EEIG1: variants seen among roughly 807,000 people sequenced by gnomAD.
EEIG1 encodes estrogen-induced osteoclastogenesis regulator 1, also known as early estrogen-induced gene 1 protein.
At chr9:127,945,395 G>T in the EEIG1 span, 8 of 1,586,432 alleles carry the variant, frequency 5.0e-6, no homozygotes, top group Non-Finnish European at 5.1e-6. This position sits in a 1 kb window ranked among gnomAD's most constrained non-coding sequence, Gnocchi z 6.5. Flanking sequence ...AGATGCAGGG[G>T]CCGGGGTGGC....
the EEIG1 span, chr9:127,953,820 A>G: frequency 5.6e-6 from 9 of 1,613,960 alleles, no homozygotes; most frequent in East Asian, 2.2e-5. Context: ...GCACAGACAC[A>G]CGGAAGACAC....
At chr9:127,953,417 C>A in the EEIG1 span, 1 of 670,702 alleles carries the variant, frequency 1.5e-6, no homozygotes, top group Non-Finnish European at 2.6e-6. Flanking sequence ...ATATTGAGTG[C>A]AAAGACCATC....
chr9:127,945,335 T>C, the EEIG1 span: 1 of 1,521,974 alleles, frequency 6.6e-7, no homozygotes, highest in South Asian at 1.2e-5. The surrounding 1 kb of genome is among the most constrained non-coding windows in gnomAD (Gnocchi z 6.5). Flanking sequence ...GAGAGGTCTG[T>C]TCTCCAGGGG....
At chr9:127,968,388 T>C in the EEIG1 span, among the ~76,000 whole-genome samples, 1 of 152,140 alleles carries the variant, frequency 6.6e-6, no homozygotes. Flanking sequence ...TTTCCTCTTC[T>C]AGGCCTGGGT....
the EEIG1 span, among the ~76,000 whole-genome samples, chr9:127,967,397 C>T: frequency 3.7e-3 from 571 of 152,300 alleles, 7 homozygotes; most frequent in African/African-American, 0.013. Flanking sequence ...GAAATTGAGG[C>T]CCCAGAGCAG....
At chr9:127,963,016 C>T in the EEIG1 span, among the ~76,000 whole-genome samples, 6 of 152,202 alleles carry the variant, frequency 3.9e-5, no homozygotes, top group Non-Finnish European at 7.3e-5. Context: ...AACCCAGAAT[C>T]CTGGACTTCA....
At chr9:127,944,288 G>A in the EEIG1 span, 5 of 434,638 alleles carry the variant, frequency 1.2e-5, no homozygotes, top group South Asian at 3.0e-5. Flanking sequence ...GAGCTGGGAG[G>A]AAGTAGAAGG....
chr9:127,977,040 G>A, the EEIG1 span, among the ~76,000 whole-genome samples: 1 of 152,212 alleles, frequency 6.6e-6, no homozygotes, highest in East Asian at 1.9e-4. Context: ...AGGAACCCAG[G>A]AACCCCCGTC....
the EEIG1 span, among the ~76,000 whole-genome samples, chr9:127,975,866 C>T: frequency 1.2e-3 from 186 of 152,198 alleles, 1 homozygote; most frequent in African/African-American, 4.3e-3. Flanking sequence ...CCAGACTTGG[C>T]TAGGACCTCT....
At chr9:127,972,315 C>T in the EEIG1 span, among the ~76,000 whole-genome samples, 1 of 152,186 alleles carries the variant, frequency 6.6e-6, no homozygotes, top group Non-Finnish European at 1.5e-5. The surrounding 1 kb of genome is among the most constrained non-coding windows in gnomAD (Gnocchi z 4.3). Flanking sequence ...CCCACCCTGC[C>T]CCGAGTGCAA....
the EEIG1 span, among the ~76,000 whole-genome samples, chr9:127,959,860 A>G: frequency 6.6e-6 from 1 of 152,102 alleles, no homozygotes; most frequent in South Asian, 2.1e-4. Flanking sequence ...AATACAGGGG[A>G]CTTGAGGGGA....
the EEIG1 span, among the ~76,000 whole-genome samples, chr9:127,946,531 G>T: frequency 2.6e-5 from 4 of 152,336 alleles, no homozygotes; most frequent in African/African-American, 9.6e-5. Context: ...TGCATATGGG[G>T]GGAGGCCAGC....
At chr9:127,980,280 C>G in the EEIG1 span, 9 of 983,374 alleles carry the variant, frequency 9.2e-6, no homozygotes, top group East Asian at 2.1e-4. Context: ...AGATCGGAGT[C>G]CGGGGCCCCA....
chr9:127,950,713 G>C, the EEIG1 span: 1 of 1,390,914 alleles, frequency 7.2e-7, no homozygotes, highest in South Asian at 1.6e-5. Context: ...AGAGGCCCCG[G>C]GTCGGCAGCA....
the EEIG1 span, among the ~76,000 whole-genome samples, chr9:127,979,118 T>A: frequency 6.6e-6 from 1 of 152,182 alleles, no homozygotes; most frequent in East Asian, 1.9e-4. Flanking sequence ...CCCAAAGTGC[T>A]GGGATTACAG....
chr9:127,977,651 C>CAT, the EEIG1 span, among the ~76,000 whole-genome samples: 1 of 152,224 alleles, frequency 6.6e-6, no homozygotes, highest in Admixed American at 6.5e-5. Context: ...CTGGGCGAGA[C>CAT]ATAACACACA....
At chr9:127,961,259 A>C in the EEIG1 span, among the ~76,000 whole-genome samples, 1 of 143,306 alleles carries the variant, frequency 7.0e-6, no homozygotes, top group African/African-American at 2.6e-5. Flanking sequence ...TCTGGTGGGA[A>C]GCAGCTGGGC....
chr9:127,953,941 G>T, the EEIG1 span: 1 of 1,613,178 alleles, frequency 6.2e-7, no homozygotes. Flanking sequence ...GGCCAGAGGC[G>T]ACAGGTGAGC....
chr9:127,954,064 T>C, the EEIG1 span: 1 of 977,842 alleles, frequency 1.0e-6, no homozygotes, highest in Non-Finnish European at 1.5e-6. Flanking sequence ...ACAAAATAGC[T>C]GTGTTTTCAC....
Sources: gnomAD v4.1 joint callset for allele counts (sites outside exome capture counted in the v4.1 genomes callset) on GRCh38, gnomAD v4.1.1 for gene constraint, Gnocchi (gnomAD v3.1) non-coding constraint, MANE v1.5 for transcripts, NCBI Gene and HGNC (gene_info 2026-07-23, HGNC 2026-07-21) for gene names.